The following MED13 variants were observed in gnomAD, a reference collection of about 807,000 sequenced individuals.
MED13 encodes the protein mediator of RNA polymerase II transcription subunit 13.
Under a neutral mutation model 225.2 loss-of-function variants are expected in MED13, and 23 were observed. The observed-to-expected ratio is 0.10, with a 90% CI of 0.07 to 0.14. MED13 has a LOEUF of 0.14. Among genes scored for constraint, MED13 ranks in the 10% least tolerant of loss-of-function variants. The probability of loss-of-function intolerance (pLI) is 1.00; values close to 1 mark genes in which losing one functional copy is unlikely to be tolerated. For synonymous variants in MED13, 942 were observed against 889.2 expected (o/e 1.06, Z -1.06); for missense variants, 2,197 against 2,594.5 (o/e 0.85, Z 3.33).
chr17:61,950,453 G>A (rs893146061), intron 28 of MED13, among the ~76,000 whole-genome samples: 2 of 150,232 alleles, frequency 1.3e-5, no homozygotes, highest in African/African-American at 4.9e-5. Flanking sequence ...GTACGATCTC[G>A]GCTCACTGCA....
chr17:62,034,892 G>C (rs1007852029), intron 4 of MED13, among the ~76,000 whole-genome samples: 1 of 152,094 alleles, frequency 6.6e-6, no homozygotes, highest in African/African-American at 2.4e-5. Context: ...GCCGAGGCAG[G>C]TGGACCACTT....
intron 3 of MED13, among the ~76,000 whole-genome samples, chr17:62,043,156 CAAAAAAAAAAAAA>C (rs764530614): frequency 9.5e-5 from 3 of 31,662 alleles, no homozygotes; most frequent in Admixed American, 5.9e-4. Flanking sequence ...ACCCTGTCTC[CAAAAAAAAAAAAA>C]AAAAAAAAAA....
chr17:61,977,897 C>A (rs1412372648), intron 16 of MED13, among the ~76,000 whole-genome samples: 1 of 152,192 alleles, frequency 6.6e-6, no homozygotes, highest in East Asian at 1.9e-4. Context: ...AGCCCCATTT[C>A]TCTCTTTCTT....
chr17:61,947,702 C>A (rs2079862460), intron 28 of MED13, among the ~76,000 whole-genome samples: 1 of 152,160 alleles, frequency 6.6e-6, no homozygotes. Flanking sequence ...CTGCTTTGCC[C>A]ACTCAATTTC....
intron 19 of MED13, 94 bp downstream of exon 19, chr17:61,966,368 T>G: frequency 1.0e-6 from 1 of 958,520 alleles, no homozygotes; most frequent in Non-Finnish European, 1.6e-6. Flanking sequence ...TGAGGATGGC[T>G]GTGTTCCAAT....
At chr17:61,968,933 G>C (rs939960140) in intron 17 of MED13, among the ~76,000 whole-genome samples, 6 of 151,964 alleles carry the variant, frequency 3.9e-5, no homozygotes, top group African/African-American at 1.5e-4. Flanking sequence ...TAAAGTTTTT[G>C]TAGAGATGGG....
Position 62,049,759 on chromosome 17 carries a change from T to G in MED13, c.470+2778A>C, listed in dbSNP as rs887117425. 3.3e-5 allele frequency among the ~76,000 whole-genome samples: 5 copies of G among 151,734 alleles called. No homozygotes were observed. In the East Asian group the frequency reaches 5.8e-4, roughly 18 times the overall value. ...ATCCTGGCTACATGGTGAAACCCCA[T>G]CTCTACTAAAAATACAAAAAATTAG... is the stretch of plus-strand genomic sequence containing the variant. On this transcript the variant is annotated intron_variant, in intron 3 of 29. Coordinates refer to ENST00000397786, the MANE Select transcript of MED13 (RefSeq NM_005121.3).
At chr17:62,013,268 A>G (rs2080529598) in intron 8 of MED13, among the ~76,000 whole-genome samples, 1 of 152,242 alleles carries the variant, frequency 6.6e-6, no homozygotes, top group Non-Finnish European at 1.5e-5. Context: ...TTATCTCTTA[A>G]GAACACAGAT....
At chr17:62,034,361 C>T (rs552221117) in intron 4 of MED13, among the ~76,000 whole-genome samples, 241 of 152,018 alleles carry the variant, frequency 1.6e-3, no homozygotes, top group African/African-American at 5.6e-3. Context: ...GTTGCACACG[C>T]CTGCAATCCC....
intron 3 of MED13, among the ~76,000 whole-genome samples, chr17:62,036,465 A>T (rs922230352): frequency 6.6e-6 from 1 of 152,196 alleles, no homozygotes; most frequent in African/African-American, 2.4e-5. Flanking sequence ...GCAGAGGAGG[A>T]TAAGAGTGTA....
intron 11 of MED13, among the ~76,000 whole-genome samples, chr17:61,990,551 T>C (rs561365782): frequency 6.6e-6 from 1 of 150,924 alleles, no homozygotes; most frequent in South Asian, 2.1e-4. Context: ...AATATATATA[T>C]ATTTTTTAGT....
At chr17:62,022,165 C>CA (rs35035293) in intron 8 of MED13, among the ~76,000 whole-genome samples, 6,012 of 133,564 alleles carry the variant, frequency 0.045, 345 homozygotes, top group Admixed American at 0.19. Flanking sequence ...AAGACTGTCT[C>CA]AAAAAAAAAA....
Position 62,033,882 on chromosome 17 carries a change from T to C in MED13, c.719A>G (p.Tyr240Cys), listed in dbSNP as rs778653483. 19 of 1,614,014 alleles carry C rather than the reference T, an allele frequency of 1.2e-5. No homozygotes were observed. Among genetic ancestry groups the C allele is most frequent in the Admixed American group, 1.0e-4 (6 of 59,984 alleles). Residue 240 changes from tyrosine (Y) to cysteine (C), a missense_variant, in exon 5 of 30, where the codon TAT (tyrosine) becomes TGT (cysteine). Physicochemically the swap from Tyr to Cys is radical, Grantham distance 194 (BLOSUM62 -2). Around this residue, in one of 12 missense-constraint regions of MED13, gnomAD observed 884 missense variants for 918.5 expected, o/e 0.96. Transcript: ENST00000397786. ...KKLIGEWKQF[Y>C]PISCCLKEMS... Reference sequence around the variant, plus strand: ...CTCCTTCAAGCAACATGAGATAGGATAGAACTGTTTCCATTCACCAATTAA... The same window carrying C: ...CTCCTTCAAGCAACATGAGATAGGACAGAACTGTTTCCATTCACCAATTAA...
intron 20 of MED13, among the ~76,000 whole-genome samples, chr17:61,963,599 C>T (rs951418975): frequency 6.6e-6 from 1 of 152,168 alleles, no homozygotes. Context: ...AGCCACTTCA[C>T]CTGGTCCCAT....
chr17:61,977,579 G>A (rs940383491), intron 16 of MED13, among the ~76,000 whole-genome samples: 19 of 151,858 alleles, frequency 1.3e-4, no homozygotes, highest in Non-Finnish European at 2.9e-5. Flanking sequence ...AGCCTCCCGA[G>A]TAGCTGGGAC....
rs193126969 is a variant in MED13, at chr17:61,996,583, T to C, written c.1968-1218A>G. Among the ~76,000 whole-genome samples the C allele has an allele frequency of 9.8e-4, 150 of 152,288 alleles. 1 individual carries two copies. Among genetic ancestry groups the C allele is most frequent in the Admixed American group, 9.7e-3 (148 of 15,276 alleles). ...GACCCATTCCTGGCTATTTCTTTTA[T>C]GGGGAACATTCTCCTTCCAAATATC... On this transcript the variant is annotated intron_variant, in intron 9 of 29. Transcript: ENST00000397786.
intron 1 of MED13, among the ~76,000 whole-genome samples, 183 bp from the exon 2 acceptor site, chr17:62,063,484 A>T (rs181735515): frequency 7.2e-5 from 11 of 152,348 alleles, no homozygotes; most frequent in Non-Finnish European, 1.5e-4. Context: ...AGGGAGAAGA[A>T]TACAGTTAAA....
chr17:62,038,861 C>CG (rs373371098), intron 3 of MED13, among the ~76,000 whole-genome samples: 9 of 151,538 alleles, frequency 5.9e-5, no homozygotes, highest in African/African-American at 9.7e-5. Flanking sequence ...ATGGCAGGGG[C>CG]GGGGGGGCTC....
intron 9 of MED13, among the ~76,000 whole-genome samples, chr17:61,995,972 C>G (rs151256385): frequency 6.6e-6 from 1 of 152,146 alleles, no homozygotes. Flanking sequence ...ATTGGCACAT[C>G]AATTTTTAAG....
Sources: gnomAD v4.1 joint callset for allele counts (sites outside exome capture counted in the v4.1 genomes callset) on GRCh38, gnomAD v4.1.1 for gene constraint, gnomAD v4.1.1 regional missense constraint, MANE v1.5 for transcripts, NCBI Gene and HGNC (gene_info 2026-07-23, HGNC 2026-07-21) for gene names.